CSMD3: variants seen among roughly 807,000 people sequenced by gnomAD.
The protein encoded by CSMD3 is CUB and sushi domain-containing protein 3.
Under a neutral mutation model 435.2 loss-of-function variants are expected in CSMD3, and 177 were observed. The observed-to-expected ratio is 0.41, with a 90% CI of 0.36 to 0.46. The LOEUF (loss-of-function observed/expected upper bound fraction) is 0.46, where lower values mean the gene tolerates loss of function less well. Ranked by LOEUF, CSMD3 falls within the 20% of genes least tolerant of loss-of-function variation. The pLI is 0.34. For synonymous variants in CSMD3, 1,656 were observed against 1,520.5 expected, an observed-to-expected ratio of 1.09 and a Z score of -2.07; for missense variants, 4,265 against 4,504.6, an observed-to-expected ratio of 0.95 and a Z score of 1.52.
chr8:112,291,299 A>G (rs1478748636), intron 56 of CSMD3, among the ~76,000 whole-genome samples: 2 of 151,986 alleles, frequency 1.3e-5, no homozygotes, highest in Non-Finnish European at 2.9e-5. Flanking sequence ...TCAAAGAATG[A>G]TAGATAAATA....
chr8:112,851,155 T>C (rs142993006), intron 11 of CSMD3, among the ~76,000 whole-genome samples: 2 of 152,146 alleles, frequency 1.3e-5, no homozygotes, highest in Non-Finnish European at 2.9e-5. Context: ...TCTCAAGAGC[T>C]GATAAAAGTT....
chr8:113,034,725 G>A (rs2087266302), intron 5 of CSMD3, among the ~76,000 whole-genome samples: 2 of 151,992 alleles, frequency 1.3e-5, no homozygotes, highest in Admixed American at 1.3e-4. Context: ...ATACATAATG[G>A]ATTATTAGTA....
chr8:113,288,940 T>C (rs901087119), intron 2 of CSMD3, among the ~76,000 whole-genome samples: 3 of 151,824 alleles, frequency 2.0e-5, no homozygotes, highest in African/African-American at 7.2e-5. Flanking sequence ...ATGCTGAATA[T>C]GATTTTTACC....
chr8:113,316,849 A>C (rs2093914379), intron 1 of CSMD3, among the ~76,000 whole-genome samples: 2 of 152,194 alleles, frequency 1.3e-5, no homozygotes, highest in African/African-American at 2.4e-5. Context: ...GGCCAGGCCA[A>C]AACAGCTACA....
rs148757300 is a variant in CSMD3, at chr8:112,399,206, C to T, written c.5809+7318G>A. Among the ~76,000 whole-genome samples the T allele has an allele frequency of 1.3e-3, 194 of 152,076 alleles. 1 individual carries two copies. Among genetic ancestry groups the T allele is most frequent in the African/African-American group, 4.6e-3 (191 of 41,512 alleles). On this transcript the variant is annotated intron_variant, in intron 35 of 70. Transcript: ENST00000297405. ...TAAAGTTCTCTTTTGAATAGGTCTTCCCATTTTCCCAATACAGGTAGGTTG... is the reference window on the plus strand; with the variant it reads ...TAAAGTTCTCTTTTGAATAGGTCTTTCCATTTTCCCAATACAGGTAGGTTG...
At chr8:113,148,484 T>A (rs1244740632) in intron 4 of CSMD3, among the ~76,000 whole-genome samples, 1 of 151,944 alleles carries the variant, frequency 6.6e-6, no homozygotes, top group South Asian at 2.1e-4. Flanking sequence ...TATACTTTTA[T>A]CTGCTTATTC....
intron 5 of CSMD3, among the ~76,000 whole-genome samples, chr8:113,048,406 T>C (rs2087938019): frequency 6.6e-6 from 1 of 152,188 alleles, no homozygotes; most frequent in African/African-American, 2.4e-5. Flanking sequence ...CTTCAATTCT[T>C]ACTCGGAAAA....
chr8:113,374,848 C>CAAAAAAATGAAAAAAA (rs1491428482), intron 1 of CSMD3, among the ~76,000 whole-genome samples: 1 of 64,578 alleles, frequency 1.5e-5, no homozygotes, highest in African/African-American at 4.9e-5. Flanking sequence ...AAAAAAAAAA[C>CAAAAAAATGAAAAAAA]CAATAAAATG....
At chr8:113,340,075 C>G (rs1370596240) in intron 1 of CSMD3, among the ~76,000 whole-genome samples, 2 of 151,816 alleles carry the variant, frequency 1.3e-5, no homozygotes, top group Non-Finnish European at 2.9e-5. Flanking sequence ...CTTACTATAA[C>G]TATTTATATA....
intron 32 of CSMD3, among the ~76,000 whole-genome samples, chr8:112,432,487 A>C (rs909475429): frequency 6.6e-6 from 1 of 151,918 alleles, no homozygotes; most frequent in African/African-American, 2.4e-5. Flanking sequence ...ATTTTATTTT[A>C]TTTTATCTAA....
At chr8:113,357,292 G>T (rs916742058) in intron 1 of CSMD3, among the ~76,000 whole-genome samples, 1 of 152,256 alleles carries the variant, frequency 6.6e-6, no homozygotes, top group South Asian at 2.1e-4. Flanking sequence ...CTCGTTTCCA[G>T]ATGGAGAAAC....
chr8:113,407,838 A>G (rs926236412), intron 1 of CSMD3, among the ~76,000 whole-genome samples: 29 of 152,272 alleles, frequency 1.9e-4, no homozygotes, highest in African/African-American at 6.5e-4. Flanking sequence ...TAACTATCCT[A>G]GAAAAGAAGT....
intron 13 of CSMD3, among the ~76,000 whole-genome samples, chr8:112,710,391 T>C (rs1276273917): frequency 1.3e-5 from 2 of 152,108 alleles, no homozygotes; most frequent in Non-Finnish European, 2.9e-5. Context: ...TTGCCTAAGA[T>C]GCACATCTTG....
At chr8:112,325,911 G>A (rs1823464802) in intron 45 of CSMD3, among the ~76,000 whole-genome samples, 1 of 151,884 alleles carries the variant, frequency 6.6e-6, no homozygotes, top group Admixed American at 6.6e-5. Context: ...GAATCAAATG[G>A]GTTTACACAT....
intron 3 of CSMD3, among the ~76,000 whole-genome samples, chr8:113,269,316 A>G (rs190035886): frequency 6.3e-4 from 96 of 152,298 alleles, no homozygotes; most frequent in African/African-American, 2.3e-3. Context: ...AAGAGGATAC[A>G]AACAAATTGA....
At chr8:112,917,556 G>T (rs1047168404) in intron 10 of CSMD3, among the ~76,000 whole-genome samples, 1 of 151,844 alleles carries the variant, frequency 6.6e-6, no homozygotes, top group African/African-American at 2.4e-5. Context: ...GAAATCAAAA[G>T]AGTTAACAAT....
chr8:112,727,650 T>C (rs148466998), intron 13 of CSMD3, among the ~76,000 whole-genome samples: 2 of 151,934 alleles, frequency 1.3e-5, no homozygotes, highest in East Asian at 3.9e-4. Context: ...AACTTAATAT[T>C]TCCATTTTTA....
intron 13 of CSMD3, among the ~76,000 whole-genome samples, chr8:112,791,325 A>G (rs972015250): frequency 1.3e-5 from 2 of 149,668 alleles, no homozygotes; most frequent in Non-Finnish European, 3.0e-5. Flanking sequence ...CTGTGAAAAA[A>G]AAAAAAAAAA....
chr8:113,294,094 T>A (rs993964347), intron 2 of CSMD3, among the ~76,000 whole-genome samples: 1 of 152,208 alleles, frequency 6.6e-6, no homozygotes, highest in Middle Eastern at 3.5e-3. Context: ...TGTCTTCTTG[T>A]TACCATGTAT....
Sources: gnomAD v4.1 joint callset for allele counts (sites outside exome capture counted in the v4.1 genomes callset) on GRCh38, gnomAD v4.1.1 for gene constraint, MANE v1.5 for transcripts, NCBI Gene and HGNC (gene_info 2026-07-23, HGNC 2026-07-21) for gene names.